Variants in ANXA13 observed in about 807,000 individuals in gnomAD.
The protein encoded by ANXA13 is annexin A13.
In ANXA13, 36 loss-of-function variants were observed where a neutral mutation model predicts 46.6. The ratio of observed to expected loss-of-function variants is 0.77; its 90% CI spans 0.59 to 1.02. The LOEUF is 1.02. Ranked by LOEUF, ANXA13 falls within the 50% of genes least tolerant of loss-of-function variation. ANXA13 has a pLI of 0.00. For missense variants in ANXA13, 417 were observed against 396.5 expected, an observed-to-expected ratio of 1.05 and a Z score of -0.44; for synonymous variants, 163 against 152.9, an observed-to-expected ratio of 1.07 and a Z score of -0.49.
At chr8:123,728,760 G>T (rs1814050994) in intron 1 of ANXA13, 2 of 152,048 alleles carry the variant, frequency 1.3e-5, no homozygotes, top group South Asian at 4.2e-4. Flanking sequence ...AACAATGAAT[G>T]TTATTCTTTC....
intron 1 of ANXA13, among the ~76,000 whole-genome samples, chr8:123,736,867 G>GTTA (rs1563623536): frequency 1.9e-5 from 1 of 51,788 alleles, no homozygotes; most frequent in African/African-American, 4.6e-5. Context: ...TTTTTTTTTG[G>GTTA]GACGGAGTTT....
chr8:123,687,882 G>A (rs926408961), intron 9 of ANXA13, among the ~76,000 whole-genome samples: 1 of 152,204 alleles, frequency 6.6e-6, no homozygotes, highest in Non-Finnish European at 1.5e-5. Flanking sequence ...GCTATTTCCT[G>A]CCTTTGGGCA....
At chr8:123,705,704 C>T (rs1211529988) in intron 2 of ANXA13, among the ~76,000 whole-genome samples, 2 of 152,108 alleles carry the variant, frequency 1.3e-5, no homozygotes, top group African/African-American at 4.8e-5. Context: ...TGCCACCCAG[C>T]TGAGCCATCA....
intron 2 of ANXA13, among the ~76,000 whole-genome samples, chr8:123,703,337 T>TG (rs970941042): frequency 2.4e-5 from 3 of 126,656 alleles, no homozygotes; most frequent in African/African-American, 9.1e-5. Context: ...TACTAGTGGC[T>TG]GGGGGTGGGT....
intron 8 of ANXA13, among the ~76,000 whole-genome samples, chr8:123,691,719 A>C (rs1813246953): frequency 6.6e-6 from 1 of 152,242 alleles, no homozygotes; most frequent in South Asian, 2.1e-4. Context: ...ACCTGCTCTA[A>C]CACAGATGGT....
intron 1 of ANXA13, among the ~76,000 whole-genome samples, chr8:123,718,724 G>A (rs570411547): frequency 3.3e-5 from 5 of 152,290 alleles, no homozygotes; most frequent in Non-Finnish European, 7.4e-5. Flanking sequence ...GGACATGAAT[G>A]ATCCATTTTT....
Position 123,717,549 on chromosome 8 carries a change from A to G in ANXA13, c.16-4796T>C, listed in dbSNP as rs73703646. 9.0e-3 allele frequency among the ~76,000 whole-genome samples: 1,364 copies of G among 152,348 alleles called. 13 individuals are homozygous for G. The highest frequency in any genetic ancestry group is 0.031 in the African/African-American group (1,295 of 41,580). On this transcript the variant is annotated intron_variant, in intron 1 of 10. Transcript: ENST00000419625. Reference sequence around the variant, plus strand: ...GGATAGATATCTTCCATACTTGTCAAATATTTATCTTATAATGCCCAAGCA... The same window carrying G: ...GGATAGATATCTTCCATACTTGTCAGATATTTATCTTATAATGCCCAAGCA...
intron 10 of ANXA13, among the ~76,000 whole-genome samples, chr8:123,681,914 C>T (rs569853347): frequency 5.2e-4 from 79 of 152,202 alleles, no homozygotes; most frequent in African/African-American, 1.5e-3. Context: ...CGTGAGCCAC[C>T]GTGCCTGGCC....
intron 3 of ANXA13, among the ~76,000 whole-genome samples, chr8:123,699,741 A>G (rs1374408854): frequency 3.9e-5 from 6 of 152,196 alleles, no homozygotes; most frequent in Admixed American, 3.9e-4. Context: ...AAACTATAGC[A>G]TAGGGTGGGC....
Position 123,702,570 on chromosome 8 carries a change from T to TG in ANXA13, c.186+71dup, listed in dbSNP as rs1479982518. 4 of 1,211,762 alleles carry TG rather than the reference T, an allele frequency of 3.3e-6. No individual in the cohort carries two copies. In the East Asian group the frequency reaches 9.3e-5, roughly 28 times the overall value. The allele number at this position is 1,211,762 out of a possible 1,614,324, so 75.1% of individuals were successfully genotyped here. A position where few individuals can be genotyped will look rare whatever the true frequency, so the allele number is the denominator to read the frequency against. On this transcript the variant is annotated intron_variant, in intron 3 of 10. Transcript: ENST00000419625. ...AGCTATAAAGATATTCTGCGTGGCC[T>TG]GGGGACATGAGGAAGCCGAGACGGC...
At chr8:123,681,736 G>A (rs563008513) in intron 10 of ANXA13, among the ~76,000 whole-genome samples, 167 of 149,718 alleles carry the variant, frequency 1.1e-3, no homozygotes, top group African/African-American at 3.8e-3. Flanking sequence ...CAATTGTCCT[G>A]CCTCAGCCCC....
chr8:123,691,149 C>T (rs1376094311), intron 8 of ANXA13, among the ~76,000 whole-genome samples: 1 of 152,086 alleles, frequency 6.6e-6, no homozygotes, highest in Non-Finnish European at 1.5e-5. Flanking sequence ...ATGGCAAAAC[C>T]CTGAGTTTTT....
intron 6 of ANXA13, 22 bp downstream of exon 6, chr8:123,695,480 G>T (rs762201286): frequency 1.3e-6 from 2 of 1,592,836 alleles, no homozygotes; most frequent in South Asian, 2.2e-5. Context: ...TGATAAAACA[G>T]GTGACACCTC....
chr8:123,683,991 G>A (rs1045314962), intron 10 of ANXA13, among the ~76,000 whole-genome samples: 2 of 152,030 alleles, frequency 1.3e-5, no homozygotes, highest in Non-Finnish European at 2.9e-5. Flanking sequence ...GTTTTTAGGG[G>A]GTGAAAAAGC....
chr8:123,689,297 G>C (rs1220091361), intron 8 of ANXA13, among the ~76,000 whole-genome samples: 1 of 148,288 alleles, frequency 6.7e-6, no homozygotes, highest in African/African-American at 2.5e-5. Context: ...TATAATCATA[G>C]ATTTTTTTTT....
rs552997605 is a variant in ANXA13, at chr8:123,731,326, C to T, written c.15+5994G>A. ...TTTGGGGAGTTTAAAAATATACAGA[C>T]GCCAGGGCCTTGCGCATGAATTGGT... On this transcript the variant is annotated intron_variant, in intron 1 of 10. Transcript: ENST00000419625. Among the ~76,000 whole-genome samples the T allele has an allele frequency of 3.0e-4, 45 of 152,210 alleles. 1 individual carries two copies. Among genetic ancestry groups the T allele is most frequent in the Admixed American group, 1.0e-3 (16 of 15,288 alleles).
intron 1 of ANXA13, among the ~76,000 whole-genome samples, chr8:123,733,452 T>C (rs1216225947): frequency 6.6e-6 from 1 of 152,212 alleles, no homozygotes; most frequent in African/African-American, 2.4e-5. Flanking sequence ...AGCTTTCAGA[T>C]GTTCTTTGTC....
intron 6 of ANXA13, among the ~76,000 whole-genome samples, chr8:123,695,129 G>T (rs1813306637): frequency 6.6e-6 from 1 of 152,156 alleles, no homozygotes; most frequent in African/African-American, 2.4e-5. Flanking sequence ...GGCCCTGCTT[G>T]GGGTCAGATA....
intron 1 of ANXA13, among the ~76,000 whole-genome samples, chr8:123,736,847 C>CT (rs34405438): frequency 0.41 from 46,018 of 113,166 alleles, 10,693 homozygotes; most frequent in South Asian, 0.55. Flanking sequence ...ATCCCCAGTG[C>CT]TTTTTTTTTT....
Sources: gnomAD v4.1 joint callset for allele counts (sites outside exome capture counted in the v4.1 genomes callset) on GRCh38, gnomAD v4.1.1 for gene constraint, MANE v1.5 for transcripts, NCBI Gene and HGNC (gene_info 2026-07-23, HGNC 2026-07-21) for gene names.